Variants in FRY observed in about 807,000 individuals in gnomAD.
The protein encoded by FRY is FRY microtubule binding protein.
In FRY, 128 loss-of-function variants were observed where a neutral mutation model predicts 348.4. That is an observed-to-expected ratio of 0.37 (90% CI 0.32 to 0.43). The LOEUF (loss-of-function observed/expected upper bound fraction) is 0.43. FRY is among the 20% of genes least tolerant of loss of function. The pLI is 1.00. For synonymous variants in FRY, 1,370 were observed against 1,374.7 expected (o/e 1.00, Z 0.08); for missense variants, 2,736 against 3,695.2 (o/e 0.74, Z 6.73).
chr13:32,112,494 C>T (rs1169587614), intron 3 of FRY, among the ~76,000 whole-genome samples: 1 of 152,184 alleles, frequency 6.6e-6, no homozygotes, highest in African/African-American at 2.4e-5. Context: ...TCATCCCATA[C>T]ACTAGAGAAA....
intron 3 of FRY, among the ~76,000 whole-genome samples, chr13:32,106,236 A>C (rs1427783841): frequency 3.3e-5 from 5 of 150,198 alleles, no homozygotes; most frequent in Non-Finnish European, 7.4e-5. Flanking sequence ...ATTATATTTA[A>C]TATAGAGATG....
At chr13:32,051,092 A>G (rs1593560953) in intron 1 of FRY, among the ~76,000 whole-genome samples, 1 of 152,216 alleles carries the variant, frequency 6.6e-6, no homozygotes, top group Non-Finnish European at 1.5e-5. Flanking sequence ...TTATACAGCC[A>G]TAAAACTCCA....
intron 36 of FRY, 130 bp from the exon 37 acceptor site, chr13:32,224,105 A>C: frequency 1.1e-6 from 1 of 941,806 alleles, no homozygotes. Context: ...CCCTAAAAAA[A>C]ATTTAAAAAT....
At chr13:32,230,956 C>T (rs1221356445) in intron 40 of FRY, among the ~76,000 whole-genome samples, 1 of 152,096 alleles carries the variant, frequency 6.6e-6, no homozygotes, top group East Asian at 1.9e-4. Context: ...TGTATGTCTT[C>T]TTTTGAGAAG....
intron 16 of FRY, among the ~76,000 whole-genome samples, chr13:32,158,404 A>G (rs966044695): frequency 6.6e-5 from 10 of 152,278 alleles, no homozygotes; most frequent in East Asian, 3.9e-4. Flanking sequence ...CAGCTCACCA[A>G]TTACTCGATT....
At chr13:32,141,032 C>T (rs971389236) in intron 11 of FRY, among the ~76,000 whole-genome samples, 3 of 151,876 alleles carry the variant, frequency 2.0e-5, no homozygotes, top group Non-Finnish European at 4.4e-5. Flanking sequence ...GTAGTTATTC[C>T]GCTTTACTAT....
chr13:32,067,646 AC>A (rs1874348210), intron 1 of FRY, among the ~76,000 whole-genome samples: 1 of 152,176 alleles, frequency 6.6e-6, no homozygotes, highest in Non-Finnish European at 1.5e-5. Context: ...TTCAGGGCAT[AC>A]TTTTATATTT....
chr13:32,205,480 C>T (rs1884301731), intron 31 of FRY, among the ~76,000 whole-genome samples: 1 of 152,112 alleles, frequency 6.6e-6, no homozygotes, highest in African/African-American at 2.4e-5. Flanking sequence ...TATAAACTAG[C>T]ATGATGTAAT....
intron 2 of FRY, among the ~76,000 whole-genome samples, chr13:32,094,543 C>A (rs1876561416): frequency 6.6e-6 from 1 of 151,970 alleles, no homozygotes; most frequent in South Asian, 2.1e-4. Flanking sequence ...TAATAAACAT[C>A]CTTCTACTCT....
chr13:32,102,826 A>G (rs1008913144), intron 3 of FRY, among the ~76,000 whole-genome samples: 2 of 152,210 alleles, frequency 1.3e-5, no homozygotes, highest in Non-Finnish European at 2.9e-5. Flanking sequence ...TAATGACAAA[A>G]AGGACATTAT....
chr13:32,059,293 C>T (rs1009430841), intron 1 of FRY, among the ~76,000 whole-genome samples: 1 of 151,652 alleles, frequency 6.6e-6, no homozygotes, highest in Non-Finnish European at 1.5e-5. Flanking sequence ...TGACAAAGTG[C>T]GAATTTTCAG....
At chr13:32,172,671 C>T (rs1882160985) in intron 18 of FRY, among the ~76,000 whole-genome samples, 3 of 152,102 alleles carry the variant, frequency 2.0e-5, no homozygotes. Context: ...AGGCTCATGG[C>T]AGTATAGTAG....
At position 32,295,452 on chromosome 13, in the gene FRY, A is replaced by G. The variant is rs932004873; in HGVS notation, c.9034A>G (p.Ser3012Gly). 31 of 1,610,518 alleles carry G rather than the reference A, an allele frequency of 1.9e-5. No homozygotes were observed. The highest frequency in any genetic ancestry group is 5.3e-5 in the African/African-American group (4 of 75,050). ...TCCAGACTCCAGTGTTTCTGGCACT[A>G]GTCTCTGACAGGAGCCTCCTGTCCC... is the stretch of plus-strand genomic sequence containing the variant. The part of the protein sequence containing the change: ...FLPDSSVSGT[S>G]L The change falls in exon 61 of 61, where the codon AGT (serine) becomes GGT (glycine). Residue 3012 changes from serine (S) to glycine (G), a missense_variant. Physicochemically the swap from Ser to Gly is moderately conservative, Grantham distance 56. Around this residue, in one of 9 missense-constraint regions of FRY, gnomAD observed 157 missense variants for 215.2 expected, o/e 0.73. Coordinates refer to ENST00000542859, the MANE Select transcript of FRY (RefSeq NM_023037.3).
chr13:32,131,374 T>A (rs867930861), intron 7 of FRY, among the ~76,000 whole-genome samples: 100 of 152,280 alleles, frequency 6.6e-4, no homozygotes, highest in African/African-American at 2.1e-3. Flanking sequence ...GAAATGGGGT[T>A]TTTTGTGATG....
At chr13:32,226,038 G>C in intron 39 of FRY, 64 bp downstream of exon 39, 1 of 1,435,976 alleles carries the variant, frequency 7.0e-7, no homozygotes, top group Non-Finnish European at 9.8e-7. Context: ...CTAACTGCGG[G>C]TGCCAGTGGA....
Position 32,202,380 on chromosome 13 carries a change from T to A in FRY, c.3871T>A (p.Tyr1291Asn). The part of the protein sequence containing the change: ...MQILEAKLFV[Y>N]SKKVAEQRPG... The stretch of plus-strand genomic sequence containing the variant: ...GATCCTTGAAGCAAAGCTTTTTGTA[T>A]ACTCAAAGAAAGTCGCTGAGCAAAG... Residue 1291 changes from tyrosine to asparagine, a missense_variant, in exon 31 of 61, where the codon TAC (tyrosine) becomes AAC (asparagine). Transcript: ENST00000542859. 2.5e-6 allele frequency: 4 copies of A among 1,614,158 alleles called. No individual in the cohort carries two copies. The highest frequency in any genetic ancestry group is 3.4e-6 in the Non-Finnish European group (4 of 1,179,996).
At chr13:32,147,162 A>G (rs1386647793) in intron 11 of FRY, 120 bp from the exon 12 acceptor site, 1 of 685,084 alleles carries the variant, frequency 1.5e-6, no homozygotes, top group South Asian at 1.5e-5. Context: ...AATGTGTCTC[A>G]TAAGTACCCA....
Position 32,190,395 on chromosome 13 carries a change from T to C in FRY, c.3591+2739T>C, listed in dbSNP as rs565938234. 8.5e-5 allele frequency among the ~76,000 whole-genome samples: 13 copies of C among 152,130 alleles called. No individual in the cohort carries two copies. The South Asian group carries it at 2.7e-3, about 32-fold the overall frequency. ...AACTCATTGCTCACAGGTGACACAATTGTGTGTGTAGGAAATTCCAACAAG... is the reference window on the plus strand; with the variant it reads ...AACTCATTGCTCACAGGTGACACAACTGTGTGTGTAGGAAATTCCAACAAG... On this transcript the variant is annotated intron_variant, in intron 28 of 60. Coordinates refer to ENST00000542859, the MANE Select transcript of FRY (RefSeq NM_023037.3).
At chr13:32,157,247 G>A in intron 15 of FRY, 26 bp from the exon 16 acceptor site, 2 of 1,597,030 alleles carry the variant, frequency 1.3e-6, no homozygotes, top group African/African-American at 2.7e-5. Context: ...TCAGTTGAAG[G>A]TATAACTATA....
Sources: gnomAD v4.1 joint callset for allele counts (sites outside exome capture counted in the v4.1 genomes callset) on GRCh38, gnomAD v4.1.1 for gene constraint, gnomAD v4.1.1 regional missense constraint, MANE v1.5 for transcripts, NCBI Gene and HGNC (gene_info 2026-07-23, HGNC 2026-07-21) for gene names.